CXADR: variants seen among roughly 807,000 people sequenced by gnomAD.
The protein encoded by CXADR is CXADR cell adhesion molecule.
Under a neutral mutation model 40.3 loss-of-function variants are expected in CXADR, and 20 were observed. The observed-to-expected ratio is 0.50, with a 90% CI of 0.35 to 0.72. The LOEUF (loss-of-function observed/expected upper bound fraction) is 0.72, where lower values mean the gene tolerates loss of function less well. CXADR is among the 30% of genes least tolerant of loss of function. The probability of loss-of-function intolerance (pLI) is 0.01; values close to 1 mark genes in which losing one functional copy is unlikely to be tolerated. For synonymous variants in CXADR, 150 were observed against 161.3 expected (o/e 0.93, Z 0.53); for missense variants, 332 against 449.1 (o/e 0.74, Z 2.36).
intron 1 of CXADR, chr21:17,518,673 G>A: frequency 6.2e-7 from 1 of 1,610,052 alleles, no homozygotes. Flanking sequence ...TTGTTAAACT[G>A]TCAGCACCAA....
chr21:17,531,922 A>C (rs2060681616), intron 1 of CXADR, among the ~76,000 whole-genome samples: 1 of 139,560 alleles, frequency 7.2e-6, no homozygotes, highest in Non-Finnish European at 1.5e-5. Flanking sequence ...CTTATTCCTG[A>C]TATTTGTTTT....
intron 1 of CXADR, among the ~76,000 whole-genome samples, chr21:17,516,851 T>C (rs973887948): frequency 1.3e-5 from 2 of 152,224 alleles, no homozygotes; most frequent in African/African-American, 4.8e-5. Flanking sequence ...AGGTAATGCA[T>C]ATGTTAATTC....
At position 17,552,542 on chromosome 21, in the gene CXADR, C is replaced by G. The variant is rs191291018; in HGVS notation, c.415+589C>G. 1.6e-4 allele frequency among the ~76,000 whole-genome samples: 24 copies of G among 152,180 alleles called. No individual in the cohort carries two copies. In the East Asian group the frequency reaches 4.2e-3, roughly 27 times the overall value. ...AGACTACAGAGTTTATTATCCTTCTCTAGATTCTGTGATAATGTCTACAAG... is the reference window on the plus strand; with the variant it reads ...AGACTACAGAGTTTATTATCCTTCTGTAGATTCTGTGATAATGTCTACAAG... On this transcript the variant is annotated intron_variant, in intron 3 of 6. Transcript: ENST00000284878.
the CXADR span, among the ~76,000 whole-genome samples, chr21:17,632,978 A>T: frequency 2.6e-5 from 4 of 152,316 alleles, no homozygotes; most frequent in South Asian, 8.3e-4. Context: ...AGGTGGTCTT[A>T]TTCTCTAAAC....
intron 1 of CXADR, chr21:17,518,914 A>C: frequency 1.3e-6 from 2 of 1,588,998 alleles, no homozygotes; most frequent in Non-Finnish European, 1.7e-6. Flanking sequence ...TGTTTTATGT[A>C]CCACCTTCTT....
chr21:17,551,484 G>A (rs145774487), intron 2 of CXADR, among the ~76,000 whole-genome samples: 29 of 152,234 alleles, frequency 1.9e-4, no homozygotes, highest in Middle Eastern at 3.4e-3. Flanking sequence ...GACAGTATAG[G>A]GCTTTACTAT....
At chr21:17,600,095 A>T in the CXADR span, among the ~76,000 whole-genome samples, 1 of 151,978 alleles carries the variant, frequency 6.6e-6, no homozygotes, top group Admixed American at 6.6e-5. Flanking sequence ...AAGATTTTTG[A>T]TTTTTTTTAA....
At chr21:17,579,293 T>C (rs568317323) in intron 7 of CXADR, among the ~76,000 whole-genome samples, 1 of 151,618 alleles carries the variant, frequency 6.6e-6, no homozygotes, top group South Asian at 2.1e-4. Context: ...CTCTTTTCTT[T>C]TTTTTTTTTG....
intron 2 of CXADR, among the ~76,000 whole-genome samples, chr21:17,548,446 A>G (rs2060925699): frequency 6.6e-6 from 1 of 152,132 alleles, no homozygotes; most frequent in African/African-American, 2.4e-5. Context: ...TTATCTACTC[A>G]GCCTCGTTGC....
At chr21:17,585,243 A>C (rs918639192) in intron 7 of CXADR, among the ~76,000 whole-genome samples, 1 of 152,202 alleles carries the variant, frequency 6.6e-6, no homozygotes. Flanking sequence ...TATTTCTGAA[A>C]GAGATTTGTA....
the CXADR span, chr21:17,608,945 T>C: frequency 3.8e-6 from 6 of 1,599,300 alleles, no homozygotes; most frequent in Non-Finnish European, 5.1e-6. Context: ...TTGATCAGCC[T>C]CTGCTTAATC....
intron 1 of CXADR, among the ~76,000 whole-genome samples, chr21:17,536,049 A>AT (rs1203949976): frequency 3.3e-5 from 5 of 152,188 alleles, no homozygotes; most frequent in East Asian, 3.9e-4. Flanking sequence ...AAAACTTTTC[A>AT]TTTTTTTGTT....
At chr21:17,628,216 C>T in the CXADR span, among the ~76,000 whole-genome samples, 14 of 152,204 alleles carry the variant, frequency 9.2e-5, no homozygotes, top group African/African-American at 3.4e-4. Context: ...AGTCAGGGTT[C>T]TCCAGAGAAA....
Position 17,558,907 on chromosome 21 carries a change from T to C in CXADR, c.416-69T>C, listed in dbSNP as rs910385931. The C allele has an allele frequency of 7.4e-6, 11 of 1,480,772 alleles. No homozygotes were observed. The African/African-American group carries it at 1.1e-4, about 15-fold the overall frequency. The allele number at this position is 1,480,772 out of a possible 1,614,324, so 91.7% of individuals were successfully genotyped here. Reference sequence around the variant, plus strand: ...AACTGATAATGAGTCAGTGGTTGTGTACAATGCTGTATTCATAAAAGTAAG... The same window carrying C: ...AACTGATAATGAGTCAGTGGTTGTGCACAATGCTGTATTCATAAAAGTAAG... On this transcript the variant is annotated intron_variant, in intron 3 of 6. Coordinates refer to ENST00000284878, the MANE Select transcript of CXADR (RefSeq NM_001338.5).
chr21:17,531,235 G>A (rs2060671045), intron 1 of CXADR, among the ~76,000 whole-genome samples: 1 of 151,752 alleles, frequency 6.6e-6, no homozygotes, highest in African/African-American at 2.4e-5. Context: ...GGAGGCGGAG[G>A]TTGCAGTGAG....
At chr21:17,529,253 G>A (rs1569084455) in intron 1 of CXADR, among the ~76,000 whole-genome samples, 1 of 151,812 alleles carries the variant, frequency 6.6e-6, no homozygotes, top group South Asian at 2.1e-4. Flanking sequence ...GGCTGGTGTC[G>A]AACTCCTGAC....
the CXADR span, among the ~76,000 whole-genome samples, chr21:17,604,524 G>A: frequency 6.6e-6 from 1 of 152,132 alleles, no homozygotes; most frequent in African/African-American, 2.4e-5. Context: ...TTTGGGATTA[G>A]CTTCTTAATT....
intron 1 of CXADR, among the ~76,000 whole-genome samples, chr21:17,544,780 C>G (rs115481988): frequency 3.3e-5 from 5 of 152,078 alleles, no homozygotes; most frequent in Non-Finnish European, 7.4e-5. Context: ...TTCAGGAGTG[C>G]ATTTACATGT....
chr21:17,584,850 C>T (rs1051035208), intron 7 of CXADR, among the ~76,000 whole-genome samples: 1 of 152,082 alleles, frequency 6.6e-6, no homozygotes, highest in South Asian at 2.1e-4. Context: ...AACAAAAACT[C>T]AAATAACAAA....
Sources: gnomAD v4.1 joint callset for allele counts (sites outside exome capture counted in the v4.1 genomes callset) on GRCh38, gnomAD v4.1.1 for gene constraint, MANE v1.5 for transcripts, NCBI Gene and HGNC (gene_info 2026-07-23, HGNC 2026-07-21) for gene names.